Variants in ADGB observed in about 807,000 individuals in gnomAD.
The protein encoded by ADGB is androglobin.
ADGB carries 172 observed loss-of-function variants against 210.5 expected under a neutral mutation model. That is an observed-to-expected ratio of 0.82 (90% confidence interval 0.72 to 0.93). ADGB has a LOEUF of 0.93. Ranked by LOEUF, ADGB falls within the 40% of genes least tolerant of loss-of-function variation. The pLI, the probability that ADGB is intolerant of heterozygous loss-of-function variation, is 0.00. For missense variants in ADGB, 2,025 were observed against 1,964.8 expected (o/e 1.03, Z -0.58); for synonymous variants, 658 against 662.7 (o/e 0.99, Z 0.11).
chr6:146,630,037 G>A (rs538377135), intron 1 of ADGB, among the ~76,000 whole-genome samples: 2 of 152,240 alleles, frequency 1.3e-5, no homozygotes, highest in Admixed American at 6.5e-5. Flanking sequence ...AGGAATTTGA[G>A]GCCAGCCTGG....
chr6:146,602,268 T>C (rs972014813), intron 1 of ADGB, among the ~76,000 whole-genome samples: 4 of 152,174 alleles, frequency 2.6e-5, no homozygotes, highest in Admixed American at 1.3e-4. Context: ...AAATTGCTCT[T>C]ACCCCAGCAT....
chr6:146,640,694 T>G (rs1775499496), intron 2 of ADGB, among the ~76,000 whole-genome samples: 1 of 151,952 alleles, frequency 6.6e-6, no homozygotes. Context: ...AGAAGAGGCT[T>G]TTGATAAAAT....
intron 2 of ADGB, among the ~76,000 whole-genome samples, chr6:146,643,682 A>C (rs1438544222): frequency 6.6e-6 from 1 of 151,890 alleles, no homozygotes; most frequent in Non-Finnish European, 1.5e-5. Context: ...CATTTATCCC[A>C]GATAAATGGA....
At chr6:146,600,776 T>C (rs746046860) in intron 1 of ADGB, among the ~76,000 whole-genome samples, 12 of 152,282 alleles carry the variant, frequency 7.9e-5, no homozygotes, top group South Asian at 4.1e-4. Context: ...CTTTTCTATT[T>C]TACATACTGT....
chr6:146,693,688 T>TA (rs1184153633), intron 12 of ADGB, among the ~76,000 whole-genome samples: 2 of 152,144 alleles, frequency 1.3e-5, no homozygotes, highest in Non-Finnish European at 2.9e-5. Context: ...AGGCTGAGAA[T>TA]TGTCCAAATC....
At chr6:146,660,267 A>G (rs958881207) in intron 5 of ADGB, among the ~76,000 whole-genome samples, 1 of 152,110 alleles carries the variant, frequency 6.6e-6, no homozygotes, top group Non-Finnish European at 1.5e-5. Flanking sequence ...TGACAAAATT[A>G]TTTTTCTATC....
At chr6:146,604,580 G>A (rs781158961) in intron 1 of ADGB, among the ~76,000 whole-genome samples, 1 of 151,392 alleles carries the variant, frequency 6.6e-6, no homozygotes, top group African/African-American at 2.4e-5. Flanking sequence ...AAAAAAAAAA[G>A]ATCAACTTCA....
At chr6:146,775,039 G>T (rs1383845916) in intron 29 of ADGB, among the ~76,000 whole-genome samples, 1 of 152,066 alleles carries the variant, frequency 6.6e-6, no homozygotes, top group Non-Finnish European at 1.5e-5. Flanking sequence ...TTCCCAAGTT[G>T]CTGGGATTAC....
At chr6:146,633,818 G>A (rs904824541) in intron 1 of ADGB, among the ~76,000 whole-genome samples, 1 of 152,038 alleles carries the variant, frequency 6.6e-6, no homozygotes, top group African/African-American at 2.4e-5. Context: ...GGCCACTGAT[G>A]AGCCTCATAT....
intron 33 of ADGB, among the ~76,000 whole-genome samples, chr6:146,791,745 G>A (rs1777959400): frequency 6.6e-6 from 1 of 151,744 alleles, no homozygotes; most frequent in African/African-American, 2.4e-5. Flanking sequence ...TGTGTGTTCT[G>A]TTCCATTTGT....
chr6:146,770,860 A>G (rs1777640597), intron 29 of ADGB, among the ~76,000 whole-genome samples: 1 of 152,132 alleles, frequency 6.6e-6, no homozygotes, highest in East Asian at 1.9e-4. Context: ...CTACTGCTCC[A>G]TAGTGTTATA....
chr6:146,614,517 C>A (rs1234743942), intron 1 of ADGB, among the ~76,000 whole-genome samples: 2 of 151,978 alleles, frequency 1.3e-5, no homozygotes, highest in Non-Finnish European at 1.5e-5. Flanking sequence ...GGAATCAAAC[C>A]CATGTACACA....
chr6:146,697,568 A>G (rs1002733835), intron 12 of ADGB, among the ~76,000 whole-genome samples: 1 of 152,186 alleles, frequency 6.6e-6, no homozygotes, highest in South Asian at 2.1e-4. Flanking sequence ...GAGAATAAGC[A>G]AAGTTGAAAA....
chr6:146,760,978 T>G (rs915151302), intron 27 of ADGB, among the ~76,000 whole-genome samples: 1 of 151,986 alleles, frequency 6.6e-6, no homozygotes, highest in African/African-American at 2.4e-5. Flanking sequence ...TCTTCATATA[T>G]TCTGTATCTT....
intron 26 of ADGB, among the ~76,000 whole-genome samples, chr6:146,750,555 G>T (rs12191909): frequency 0.19 from 29,076 of 151,864 alleles, 3,406 homozygotes; most frequent in Middle Eastern, 0.29. Context: ...CATATATATA[G>T]AGAGAAAAAA....
At chr6:146,729,453 A>C (rs1776947328) in intron 20 of ADGB, among the ~76,000 whole-genome samples, 1 of 151,992 alleles carries the variant, frequency 6.6e-6, no homozygotes, top group Non-Finnish European at 1.5e-5. Flanking sequence ...TCTTTTTTCA[A>C]GAGATGGGGT....
intron 1 of ADGB, among the ~76,000 whole-genome samples, chr6:146,625,966 T>G (rs193065500): frequency 6.6e-6 from 1 of 152,048 alleles, no homozygotes; most frequent in Non-Finnish European, 1.5e-5. Flanking sequence ...ATTCATTTTC[T>G]TTTTGTCTCT....
chr6:146,680,888 A>G (rs1776148598), intron 9 of ADGB, among the ~76,000 whole-genome samples: 1 of 152,156 alleles, frequency 6.6e-6, no homozygotes, highest in Non-Finnish European at 1.5e-5. Context: ...GGTGTTGAAG[A>G]GAGCCATGCT....
intron 35 of ADGB, chr6:146,803,062 A>G: frequency 6.4e-7 from 1 of 1,556,174 alleles, no homozygotes; most frequent in Non-Finnish European, 8.9e-7. Flanking sequence ...AAGTCTACAC[A>G]GCAGCCAAGT....
Sources: gnomAD v4.1 joint callset for allele counts (sites outside exome capture counted in the v4.1 genomes callset) on GRCh38, gnomAD v4.1.1 for gene constraint, MANE v1.5 for transcripts, NCBI Gene and HGNC (gene_info 2026-07-23, HGNC 2026-07-21) for gene names.